FRMPD4: variants seen among roughly 807,000 people sequenced by gnomAD.
The protein encoded by FRMPD4 is FERM and PDZ domain containing 4.
Under a neutral mutation model 94.1 loss-of-function variants are expected in FRMPD4, and 22 were observed. That is an observed-to-expected ratio of 0.23 (90% confidence interval 0.17 to 0.33). The LOEUF (loss-of-function observed/expected upper bound fraction) is 0.33, where lower values mean the gene tolerates loss of function less well. FRMPD4 is among the 10% of genes least tolerant of loss of function. The probability of loss-of-function intolerance (pLI) is 1.00; values close to 1 mark genes in which losing one functional copy is unlikely to be tolerated. For synonymous variants in FRMPD4, 631 were observed against 548.6 expected (o/e 1.15, Z -2.10); for missense variants, 1,111 against 1,339.9 (o/e 0.83, Z 2.67).
At chrX:12,453,886 C>T (rs1047780386) in intron 1 of FRMPD4, among the ~76,000 whole-genome samples, 2 of 112,071 alleles carry the variant, frequency 1.8e-5, no homozygotes, top group Non-Finnish European at 3.8e-5. Context: ...GCTCCTCAAT[C>T]GAACATATTA....
intron 1 of FRMPD4, among the ~76,000 whole-genome samples, chrX:12,335,319 G>T (rs138047245): frequency 2.7e-5 from 3 of 110,120 alleles, no homozygotes; most frequent in East Asian, 2.8e-4. Context: ...GTTGAGACGA[G>T]GTCTTGCTAT....
intron 3 of FRMPD4, among the ~76,000 whole-genome samples, chrX:12,104,121 C>A (rs2055276673): frequency 8.9e-6 from 1 of 112,014 alleles, no homozygotes; most frequent in African/African-American, 3.2e-5. Flanking sequence ...GAGCCCACTG[C>A]CGTCATAACT....
At chrX:12,556,128 C>T (rs764700717) in intron 2 of FRMPD4, among the ~76,000 whole-genome samples, 42 of 110,319 alleles carry the variant, frequency 3.8e-4, no homozygotes, top group Non-Finnish European at 5.3e-4. Context: ...TGAGAAGGCA[C>T]CCAGGATCCT....
chrX:11,957,196 C>G (rs757080463), intron 3 of FRMPD4, among the ~76,000 whole-genome samples: 2 of 111,471 alleles, frequency 1.8e-5, no homozygotes, highest in South Asian at 3.8e-4. Flanking sequence ...ATAAAATGAA[C>G]ACGTAAAATA....
At chrX:12,012,090 G>A (rs766644559) in intron 3 of FRMPD4, among the ~76,000 whole-genome samples, 51 of 110,321 alleles carry the variant, frequency 4.6e-4, no homozygotes, top group Admixed American at 8.7e-4. Flanking sequence ...TAGTAGAGAC[G>A]GGGTTTCACC....
chrX:11,953,309 T>C (rs995117037), intron 3 of FRMPD4, among the ~76,000 whole-genome samples: 2 of 111,714 alleles, frequency 1.8e-5, no homozygotes, highest in African/African-American at 6.5e-5. Flanking sequence ...AAGGGAAACT[T>C]TTTTTTAACC....
At chrX:12,601,745 G>A (rs774115679) in intron 2 of FRMPD4, among the ~76,000 whole-genome samples, 2 of 111,464 alleles carry the variant, frequency 1.8e-5, no homozygotes, top group South Asian at 3.9e-4. Context: ...CCCACATTAC[G>A]TGCTCCTAAG....
intron 1 of FRMPD4, among the ~76,000 whole-genome samples, chrX:12,369,163 G>T (rs1392913096): frequency 2.7e-5 from 3 of 109,439 alleles, no homozygotes; most frequent in African/African-American, 1.0e-4. Context: ...GGGGCAGTCT[G>T]CTGTATGTAA....
At chrX:12,715,998 G>GGCGGGGC in intron 14 of FRMPD4, 71 bp from the exon 15 acceptor site, 1 of 383,858 alleles carries the variant, frequency 2.6e-6, no homozygotes, top group East Asian at 4.2e-5. Flanking sequence ...ACAGAGACGA[G>GGCGGGGC]CCTCCCACCC....
rs190677361 is a variant in FRMPD4 at position 12,383,440 on chromosome X, C to T, written c.42-115240C>T. Among the ~76,000 whole-genome samples, 4 of 111,227 alleles carry T rather than the reference C, an allele frequency of 3.6e-5. No homozygotes were observed. In the East Asian group the frequency reaches 1.1e-3, roughly 32 times the overall value. On this transcript the variant is annotated intron_variant, in intron 1 of 16. Transcript: ENST00000675598. ...TAAACCTCCTGCAGTGCGCAGGACC[C>T]CTCCCATCAGAGAAACATCTGGCTC...
intron 2 of FRMPD4, among the ~76,000 whole-genome samples, chrX:12,579,551 G>A (rs1358259353): frequency 4.5e-5 from 5 of 111,976 alleles, no homozygotes; most frequent in Admixed American, 1.9e-4. Flanking sequence ...GTCAGGGACC[G>A]GACTGGGCAT....
intron 1 of FRMPD4, among the ~76,000 whole-genome samples, chrX:12,292,306 C>T (rs1419622821): frequency 1.8e-5 from 2 of 111,086 alleles, no homozygotes; most frequent in Non-Finnish European, 3.8e-5. Flanking sequence ...TTGTTGTGGG[C>T]GTTAATGTAT....
chrX:12,342,510 T>G (rs192059556), intron 1 of FRMPD4, among the ~76,000 whole-genome samples: 1 of 111,090 alleles, frequency 9.0e-6, no homozygotes. Flanking sequence ...GGGTCACGGG[T>G]GGGTGTGGTC....
At chrX:12,171,140 A>G (rs950991122) in intron 1 of FRMPD4, among the ~76,000 whole-genome samples, 2 of 112,261 alleles carry the variant, frequency 1.8e-5, no homozygotes, top group Non-Finnish European at 3.8e-5. Context: ...GTAACCTTAA[A>G]TACAGTTGAC....
intron 1 of FRMPD4, among the ~76,000 whole-genome samples, chrX:12,331,864 T>TATTTATATACTATATATAAATTATATA (rs2055406966): frequency 3.3e-5 from 1 of 30,047 alleles, no homozygotes; most frequent in Non-Finnish European, 4.6e-5. Flanking sequence ...AAATTATATA[T>TATTTATATACTATATATAAATTATATA]ATTTATATAC....
chrX:12,049,053 T>C (rs1017632279), intron 3 of FRMPD4, among the ~76,000 whole-genome samples: 1 of 111,885 alleles, frequency 8.9e-6, no homozygotes, highest in Non-Finnish European at 1.9e-5. Context: ...AGGAATATCA[T>C]TGAATCTGTA....
At chrX:11,893,501 G>A (rs1803756079) in intron 3 of FRMPD4, among the ~76,000 whole-genome samples, 1 of 111,725 alleles carries the variant, frequency 9.0e-6, no homozygotes, top group Admixed American at 9.5e-5. Flanking sequence ...ACCTTTTTTA[G>A]TTAGGAATGA....
chrX:11,852,061 G>C (rs193175044), intron 1 of FRMPD4, among the ~76,000 whole-genome samples: 7 of 110,521 alleles, frequency 6.3e-5, no homozygotes, highest in Admixed American at 5.8e-4. Flanking sequence ...ATTAAGAAAA[G>C]AGTCTTTGTT....
At chrX:11,878,117 T>C (rs1355738925) in intron 3 of FRMPD4, among the ~76,000 whole-genome samples, 1 of 112,262 alleles carries the variant, frequency 8.9e-6, no homozygotes. Flanking sequence ...TTGGAAAGAA[T>C]TGAAAGCTGT....
Sources: allele counts gnomAD v4.1 joint callset (sites outside exome capture counted in the v4.1 genomes callset), GRCh38; gene constraint gnomAD v4.1.1; transcripts MANE v1.5; gene names NCBI Gene and HGNC (gene_info 2026-07-23, HGNC 2026-07-21).